Variants in ITGA1 observed in about 807,000 individuals in gnomAD.
ITGA1 encodes integrin subunit alpha 1.
In ITGA1, 85 loss-of-function variants were observed where a neutral mutation model predicts 145.9. The observed-to-expected ratio is 0.58, with a 90% CI of 0.49 to 0.70. The LOEUF (loss-of-function observed/expected upper bound fraction) is 0.70. Ranked by LOEUF, ITGA1 falls within the 30% of genes least tolerant of loss-of-function variation. The pLI is 0.00. For missense variants in ITGA1, 1,351 were observed against 1,418.7 expected (o/e 0.95, Z 0.77); for synonymous variants, 520 against 495.3 (o/e 1.05, Z -0.66).
intron 1 of ITGA1, among the ~76,000 whole-genome samples, chr5:52,835,053 A>G (rs1749142522): frequency 6.6e-6 from 1 of 152,180 alleles, no homozygotes; most frequent in African/African-American, 2.4e-5. Flanking sequence ...TTTCTGGGAT[A>G]TCCCATACAA....
intron 21 of ITGA1, chr5:52,931,828 TGTCAA>T (rs1750896977): frequency 1.0e-5 from 4 of 394,658 alleles, no homozygotes; most frequent in South Asian, 6.6e-5. Flanking sequence ...TCAGTGTGAT[TGTCAA>T]GTCTAGTCGC....
chr5:52,836,730 G>A (rs1297148082), intron 1 of ITGA1, among the ~76,000 whole-genome samples: 1 of 151,978 alleles, frequency 6.6e-6, no homozygotes, highest in Non-Finnish European at 1.5e-5. Flanking sequence ...AGATAATAAA[G>A]GTCATTCAAT....
At position 52,789,899 on chromosome 5, in the gene ITGA1, A is replaced by G. The variant is rs574090814; in HGVS notation, c.61+1485A>G. 3.3e-5 allele frequency among the ~76,000 whole-genome samples: 5 copies of G among 152,352 alleles called. No individual in the cohort carries two copies. In the East Asian group the frequency reaches 9.6e-4, roughly 29 times the overall value. The stretch of plus-strand genomic sequence containing the variant: ...AAACTTGAAGTAACAGAGAAGTTTA[A>G]CAAGTTACAATTTCATATATATGTT... On this transcript the variant is annotated intron_variant, in intron 1 of 28. Transcript: ENST00000282588.
rs1409121910 is a variant in ITGA1 at position 52,915,456 on chromosome 5, T to C, written c.1858-8T>C. The C allele has an allele frequency of 3.1e-6, 5 of 1,611,936 alleles. No homozygotes were observed. Among genetic ancestry groups the C allele is most frequent in the African/African-American group, 2.7e-5 (2 of 74,724 alleles). The stretch of plus-strand genomic sequence containing the variant: ...TCATATGAAACTCTTTTTTTTGGAT[T>C]CTCACAGCGTATTCCATCAGGTGGG... On this transcript the variant is annotated splice_polypyrimidine_tract_variant and splice_region_variant and intron_variant, in intron 14 of 28. Coordinates refer to ENST00000282588, the MANE Select transcript of ITGA1 (RefSeq NM_181501.2).
chr5:52,841,005 C>A (rs566919699), intron 1 of ITGA1, among the ~76,000 whole-genome samples: 1 of 152,296 alleles, frequency 6.6e-6, no homozygotes, highest in African/African-American at 2.4e-5. Flanking sequence ...GACTTTAGCA[C>A]TAAAAGTCAA....
chr5:52,846,473 T>C (rs1219899310), intron 1 of ITGA1, among the ~76,000 whole-genome samples: 1 of 152,198 alleles, frequency 6.6e-6, no homozygotes, highest in African/African-American at 2.4e-5. Context: ...ACACTAAAGC[T>C]ATTGTATTAT....
At chr5:52,922,318 AACAAAC>A (rs1042243949) in intron 17 of ITGA1, among the ~76,000 whole-genome samples, 3 of 152,036 alleles carry the variant, frequency 2.0e-5, no homozygotes, top group African/African-American at 7.2e-5. Context: ...CAAACAAACA[AACAAAC>A]AAACAAAAAC....
At chr5:52,821,141 G>A (rs747614061) in intron 1 of ITGA1, among the ~76,000 whole-genome samples, 5 of 152,248 alleles carry the variant, frequency 3.3e-5, no homozygotes, top group East Asian at 1.9e-4. Context: ...ATAAAGGCAC[G>A]TTTATATATA....
intron 14 of ITGA1, among the ~76,000 whole-genome samples, chr5:52,911,857 CACT>C (rs1750549596): frequency 7.6e-6 from 1 of 130,798 alleles, no homozygotes; most frequent in Non-Finnish European, 1.6e-5. Flanking sequence ...TATATACACA[CACT>C]ATATATAGTA....
Position 52,836,576 on chromosome 5 carries a change from C to T in ITGA1, c.62-12789C>T, listed in dbSNP as rs572157608. On this transcript the variant is annotated intron_variant, in intron 1 of 28. Coordinates refer to ENST00000282588, the MANE Select transcript of ITGA1 (RefSeq NM_181501.2). ...AACAAATCACCCTTGGCCAGATTTC[C>T]GCCACTTGGTTGTTCATTTTGCCTA... is the stretch of plus-strand genomic sequence containing the variant. 4.6e-5 allele frequency among the ~76,000 whole-genome samples: 7 copies of T among 152,188 alleles called. No homozygotes were observed. The South Asian group carries it at 1.0e-3, about 23-fold the overall frequency.
intron 1 of ITGA1, chr5:52,801,695 A>G: frequency 1.2e-6 from 2 of 1,614,200 alleles, no homozygotes; most frequent in Non-Finnish European, 8.5e-7. Flanking sequence ...AGTGTGAAAG[A>G]GAATGCAGGC....
chr5:52,945,069 A>G (rs765512478), intron 27 of ITGA1, 34 bp downstream of exon 27: 8 of 1,445,972 alleles, frequency 5.5e-6, no homozygotes, highest in Admixed American at 1.7e-5. Flanking sequence ...AACATTATGC[A>G]TTTCACTCTG....
At chr5:52,893,904 T>C (rs1250576533) in intron 9 of ITGA1, 64 bp downstream of exon 9, 50 of 1,307,694 alleles carry the variant, frequency 3.8e-5, no homozygotes, top group Non-Finnish European at 3.5e-5. Flanking sequence ...TAATGGGATT[T>C]TTGTATTTAT....
At chr5:52,840,127 A>G (rs1382867115) in intron 1 of ITGA1, among the ~76,000 whole-genome samples, 3 of 152,224 alleles carry the variant, frequency 2.0e-5, no homozygotes, top group Admixed American at 2.0e-4. Flanking sequence ...TAACAAAAAT[A>G]CCTTTATAAC....
intron 3 of ITGA1, among the ~76,000 whole-genome samples, chr5:52,862,766 G>A (rs981813012): frequency 6.6e-6 from 1 of 152,110 alleles, no homozygotes; most frequent in Non-Finnish European, 1.5e-5. Flanking sequence ...AAATTATCTA[G>A]AAATTAGAAC....
rs1326691091 is a variant in ITGA1 at position 52,954,767 on chromosome 5, T to C, written c.*2316T>C. On this transcript the variant is annotated 3_prime_UTR_variant, in exon 29 of 29. Coordinates refer to ENST00000282588, the MANE Select transcript of ITGA1 (RefSeq NM_181501.2). ...CAAGTTTGATTCATCTAGTTTCATA[T>C]AGTTTCATATAGTTTCATTTTTATT... The C allele has an allele frequency of 2.7e-5, 4 of 148,534 alleles. No homozygotes were observed. Among genetic ancestry groups the C allele is most frequent in the Non-Finnish European group, 6.0e-5 (4 of 66,312 alleles). 9.2% of individuals were successfully genotyped at this position (148,534 alleles called of 1,614,324 possible).
At chr5:52,894,687 ACCC>A (rs1382872848) in intron 9 of ITGA1, among the ~76,000 whole-genome samples, 11 of 152,122 alleles carry the variant, frequency 7.2e-5, no homozygotes, top group Admixed American at 2.0e-4. Context: ...AATCCAGTTG[ACCC>A]TGTCCTTGTG....
At chr5:52,933,157 C>G (rs1046680758) in intron 22 of ITGA1, 4 of 151,984 alleles carry the variant, frequency 2.6e-5, no homozygotes, top group Non-Finnish European at 5.9e-5. Context: ...TATCTTCTTT[C>G]TGGCTTAATA....
Position 52,860,775 on chromosome 5 carries a change from T to C in ITGA1, c.183-672T>C, listed in dbSNP as rs551585640. Among the ~76,000 whole-genome samples the C allele has an allele frequency of 5.3e-5, 8 of 152,326 alleles. No homozygotes were observed. In the East Asian group the frequency reaches 1.5e-3, roughly 29 times the overall value. On this transcript the variant is annotated intron_variant, in intron 2 of 28. Coordinates refer to ENST00000282588, the MANE Select transcript of ITGA1 (RefSeq NM_181501.2). ...GATATCATGGGAGACTTAAATGACT[T>C]GTTGGAACTAAAATCAGTTGTGATT...
Sources: allele counts gnomAD v4.1 joint callset (sites outside exome capture counted in the v4.1 genomes callset), GRCh38; gene constraint gnomAD v4.1.1; transcripts MANE v1.5; gene names NCBI Gene and HGNC (gene_info 2026-07-23, HGNC 2026-07-21).